The following PRMT3 variants were observed in gnomAD, a reference collection of about 807,000 sequenced individuals.
The protein encoded by PRMT3 is protein arginine N-methyltransferase 3.
PRMT3 carries 62 observed loss-of-function variants against 71.9 expected under a neutral mutation model. The ratio of observed to expected loss-of-function variants is 0.86; its 90% CI spans 0.70 to 1.07. The LOEUF is 1.07. PRMT3 is among the 50% of genes least tolerant of loss of function. PRMT3 has a pLI of 0.00. For synonymous variants in PRMT3, 213 were observed against 220.4 expected (o/e 0.97, Z 0.30); for missense variants, 663 against 643.0 (o/e 1.03, Z -0.34).
chr11:20,391,692 T>C (rs1338262537), intron 3 of PRMT3, among the ~76,000 whole-genome samples: 11 of 152,232 alleles, frequency 7.2e-5, no homozygotes, highest in Non-Finnish European at 1.5e-4. Context: ...AATTGGTTGG[T>C]TGGATGTATT....
Position 20,387,854 on chromosome 11 carries a change from G to T in PRMT3, c.28+80G>T. 6.5e-7 allele frequency: 1 copy of T among 1,535,914 alleles called. No homozygotes were observed. Among genetic ancestry groups the T allele is most frequent in the Non-Finnish European group, 8.8e-7 (1 of 1,141,920 alleles). On this transcript the variant is annotated intron_variant, in intron 1 of 15. Transcript: ENST00000331079. This position sits in a 1 kb window ranked among gnomAD's most constrained non-coding sequence, Gnocchi z 4.3. Reference sequence around the variant, plus strand: ...GTGGGGCCGGTGGAAGACCCTCCGGGACACGGGCCCGGGCAGGGTGGGGGG... The same window carrying T: ...GTGGGGCCGGTGGAAGACCCTCCGGTACACGGGCCCGGGCAGGGTGGGGGG...
intron 7 of PRMT3, among the ~76,000 whole-genome samples, chr11:20,400,616 C>T (rs934523400): frequency 2.0e-5 from 3 of 152,106 alleles, no homozygotes; most frequent in African/African-American, 7.2e-5. Flanking sequence ...ATTGTATCTG[C>T]ACCTGTCTCA....
chr11:20,445,036 T>C (rs537034687), intron 10 of PRMT3, among the ~76,000 whole-genome samples: 40 of 151,616 alleles, frequency 2.6e-4, no homozygotes, highest in Non-Finnish European at 5.0e-4. Context: ...ATGGTTAATG[T>C]TTAAATGTTA....
At chr11:20,497,245 A>G (rs1851354611) in intron 15 of PRMT3, among the ~76,000 whole-genome samples, 1 of 152,168 alleles carries the variant, frequency 6.6e-6, no homozygotes, top group Admixed American at 6.5e-5. Context: ...TTACCCAGTA[A>G]TCCTTAGAGT....
At position 20,389,914 on chromosome 11, in the gene PRMT3, G is replaced by C. The variant is rs1264449325; in HGVS notation, c.247+88G>C. 3 of 964,010 alleles carry C rather than the reference G, an allele frequency of 3.1e-6. No homozygotes were observed. The African/African-American group carries it at 4.8e-5, about 16-fold the overall frequency. 59.7% of individuals were successfully genotyped at this position (964,010 alleles called of 1,614,324 possible). The stretch of plus-strand genomic sequence containing the variant: ...CACCTGTAATCCCAGCACTTTGGGA[G>C]GCTGAGGTGGGTGGATCACTTTAGG... On this transcript the variant is annotated intron_variant, in intron 3 of 15. Coordinates refer to ENST00000331079, the MANE Select transcript of PRMT3 (RefSeq NM_005788.4).
chr11:20,441,949 C>A (rs530977408), intron 10 of PRMT3, among the ~76,000 whole-genome samples: 1 of 151,932 alleles, frequency 6.6e-6, no homozygotes, highest in Non-Finnish European at 1.5e-5. Flanking sequence ...CCTGCCACCA[C>A]GCCCGGCTAA....
At chr11:20,489,031 C>G (rs1468618979) in intron 13 of PRMT3, among the ~76,000 whole-genome samples, 1 of 152,176 alleles carries the variant, frequency 6.6e-6, no homozygotes, top group African/African-American at 2.4e-5. Flanking sequence ...CTATGTGCAT[C>G]AAAGTAATTG....
rs1308289627 is a variant in PRMT3, at chr11:20,397,662, G to A, written c.646G>A (p.Glu216Lys). 1 of 1,614,074 alleles carries A rather than the reference G, an allele frequency of 6.2e-7. No homozygotes were observed. The highest frequency in any genetic ancestry group is 8.5e-7 in the Non-Finnish European group (1 of 1,180,040). Reference protein sequence around the residue: ...TSVIADLQEDEDGVYFSSYGH... With the variant: ...TSVIADLQEDKDGVYFSSYGH... ...TGTCATTGCGGACCTCCAGGAGGAT[G>A]AGGATGGTGTTTATTTCAGCTCATA... The change falls in exon 7 of 16, where the codon GAG becomes AAG. Residue 216 changes from glutamate (E) to lysine (K), a missense_variant. Transcript: ENST00000331079.
At chr11:20,482,499 A>G (rs1171666525) in intron 13 of PRMT3, among the ~76,000 whole-genome samples, 1 of 152,120 alleles carries the variant, frequency 6.6e-6, no homozygotes, top group Non-Finnish European at 1.5e-5. Flanking sequence ...CAAATAATCA[A>G]TAAGAGTGGA....
chr11:20,449,408 A>G (rs1850100255), intron 10 of PRMT3, among the ~76,000 whole-genome samples: 1 of 152,130 alleles, frequency 6.6e-6, no homozygotes, highest in African/African-American at 2.4e-5. Flanking sequence ...ATGTAGTATA[A>G]TACACATACT....
At chr11:20,427,108 CTT>C (rs777672720) in intron 10 of PRMT3, among the ~76,000 whole-genome samples, 2 of 152,022 alleles carry the variant, frequency 1.3e-5, no homozygotes, top group African/African-American at 2.4e-5. Context: ...GATAAATTAT[CTT>C]TTTTATCTTA....
At chr11:20,464,913 G>A (rs995394793) in intron 13 of PRMT3, among the ~76,000 whole-genome samples, 1 of 151,820 alleles carries the variant, frequency 6.6e-6, no homozygotes, top group Non-Finnish European at 1.5e-5. Flanking sequence ...TGTTTATTTG[G>A]TAGAATATTT....
intron 10 of PRMT3, among the ~76,000 whole-genome samples, chr11:20,431,411 T>C (rs1380964376): frequency 2.6e-5 from 4 of 152,158 alleles, no homozygotes; most frequent in Admixed American, 1.3e-4. Context: ...GCAAATTTCT[T>C]AGAACAGTTT....
chr11:20,415,210 A>C (rs1045592776), intron 9 of PRMT3, among the ~76,000 whole-genome samples: 5 of 152,276 alleles, frequency 3.3e-5, no homozygotes, highest in African/African-American at 4.8e-5. Flanking sequence ...TGGTTTTAAA[A>C]AAAATTTGTT....
chr11:20,451,856 T>A (rs1473963607), intron 10 of PRMT3, among the ~76,000 whole-genome samples: 1 of 152,090 alleles, frequency 6.6e-6, no homozygotes, highest in Non-Finnish European at 1.5e-5. Flanking sequence ...CATTTTTTAA[T>A]GAGGAAGAAA....
intron 10 of PRMT3, among the ~76,000 whole-genome samples, chr11:20,450,658 A>T (rs951244511): frequency 3.3e-5 from 5 of 152,016 alleles, no homozygotes; most frequent in African/African-American, 1.2e-4. Flanking sequence ...AGCTGGGGGG[A>T]ATAGGTCAAT....
chr11:20,492,807 C>T (rs985010600), intron 13 of PRMT3, among the ~76,000 whole-genome samples: 2 of 152,134 alleles, frequency 1.3e-5, no homozygotes, highest in Non-Finnish European at 2.9e-5. Flanking sequence ...ACCTCTAATC[C>T]TAGCACTTTG....
intron 8 of PRMT3, among the ~76,000 whole-genome samples, chr11:20,405,014 A>G: frequency 6.6e-6 from 1 of 152,346 alleles, no homozygotes; most frequent in East Asian, 1.9e-4. Context: ...CTCAAGTATT[A>G]GTAATCATAA....
rs779944972 is a variant in PRMT3 at position 20,408,004 on chromosome 11, A to T, written c.865A>T (p.Ile289Leu). ...GGTTCTTGGAGTTGATCAATCTGAA[A>T]TACTTTACCAGGCAATGGATATTAT... ...KKVLGVDQSE[I>L]LYQAMDIIRL... The change falls in exon 9 of 16, where the codon ATA (isoleucine) becomes TTA (leucine). Residue 289 changes from isoleucine (I) to leucine (L), a missense_variant. Transcript: ENST00000331079. The T allele has an allele frequency of 7.5e-6, 12 of 1,590,056 alleles. No homozygotes were observed. In the Middle Eastern group the frequency reaches 6.6e-4, roughly 88 times the overall value.
Sources: gnomAD v4.1 joint callset for allele counts (sites outside exome capture counted in the v4.1 genomes callset) on GRCh38, gnomAD v4.1.1 for gene constraint, Gnocchi (gnomAD v3.1) non-coding constraint, MANE v1.5 for transcripts, NCBI Gene and HGNC (gene_info 2026-07-23, HGNC 2026-07-21) for gene names.